Variants in ALK observed in about 807,000 individuals in gnomAD.
ALK encodes the protein ALK tyrosine kinase receptor.
In ALK, 74 loss-of-function variants were observed where a neutral mutation model predicts 163.1. The ratio of observed to expected loss-of-function variants is 0.45; its 90% CI spans 0.38 to 0.55. The LOEUF (loss-of-function observed/expected upper bound fraction) is 0.55. Ranked by LOEUF, ALK falls within the 20% of genes least tolerant of loss-of-function variation. The pLI is 0.00. For missense variants in ALK, 2,063 were observed against 2,105.3 expected (o/e 0.98, Z 0.39); for synonymous variants, 960 against 843.2 (o/e 1.14, Z -2.40).
chr2:29,253,267 AAT>A (rs1237346249), intron 11 of ALK, among the ~76,000 whole-genome samples: 2 of 152,116 alleles, frequency 1.3e-5, no homozygotes, highest in African/African-American at 2.4e-5. Flanking sequence ...CTGTGCCCAA[AAT>A]ATATGTGTGG....
At chr2:29,519,217 AG>A (rs1302979226) in intron 4 of ALK, among the ~76,000 whole-genome samples, 2 of 152,204 alleles carry the variant, frequency 1.3e-5, no homozygotes, top group African/African-American at 4.8e-5. Flanking sequence ...CTGTTTTGCA[AG>A]GTGGTGAGCA....
At chr2:29,311,849 A>G (rs1666704835) in intron 8 of ALK, among the ~76,000 whole-genome samples, 3 of 152,130 alleles carry the variant, frequency 2.0e-5, no homozygotes, top group Admixed American at 2.0e-4. Context: ...GGACTATATC[A>G]AGGTATGGGG....
At chr2:29,495,252 C>A (rs1398044777) in intron 4 of ALK, among the ~76,000 whole-genome samples, 1 of 152,112 alleles carries the variant, frequency 6.6e-6, no homozygotes, top group Non-Finnish European at 1.5e-5. Context: ...GTGCATCCTG[C>A]CTCCCTGGCT....
chr2:29,260,551 G>T (rs1665060669), intron 11 of ALK, among the ~76,000 whole-genome samples: 1 of 152,090 alleles, frequency 6.6e-6, no homozygotes, highest in Non-Finnish European at 1.5e-5. Context: ...AAATATGGCA[G>T]TTTGGCCAGG....
At chr2:29,682,713 A>G (rs922830899) in intron 3 of ALK, among the ~76,000 whole-genome samples, 3 of 152,228 alleles carry the variant, frequency 2.0e-5, no homozygotes, top group Non-Finnish European at 2.9e-5. Flanking sequence ...AAGTAAATTT[A>G]ATGTCTATCT....
At chr2:29,303,290 A>G (rs900311754) in intron 8 of ALK, among the ~76,000 whole-genome samples, 1 of 152,224 alleles carries the variant, frequency 6.6e-6, no homozygotes, top group African/African-American at 2.4e-5. Flanking sequence ...AAACTGCTCA[A>G]CAACGCTAAC....
chr2:29,641,715 G>C (rs115953802), intron 3 of ALK, among the ~76,000 whole-genome samples: 4,369 of 152,216 alleles, frequency 0.029, 95 homozygotes, highest in Non-Finnish European at 0.046. Context: ...TTCTCTGCTA[G>C]TAGCTTTTAA....
chr2:29,443,931 G>C (rs1051660641), intron 4 of ALK, among the ~76,000 whole-genome samples: 1 of 152,160 alleles, frequency 6.6e-6, no homozygotes, highest in Non-Finnish European at 1.5e-5. Flanking sequence ...GGCATTCTGC[G>C]TTCTCCAGGT....
intron 13 of ALK, among the ~76,000 whole-genome samples, chr2:29,234,226 G>A (rs1369781545): frequency 6.6e-6 from 1 of 152,146 alleles, no homozygotes; most frequent in East Asian, 1.9e-4. Context: ...CCTATGTGGT[G>A]AGATGGGGCT....
At chr2:29,756,572 GC>G (rs1680538163) in intron 1 of ALK, among the ~76,000 whole-genome samples, 1 of 130,122 alleles carries the variant, frequency 7.7e-6, no homozygotes. Context: ...TCACTCTGTT[GC>G]CCAGGCTGGC....
At chr2:29,312,001 G>T (rs10177708) in intron 8 of ALK, among the ~76,000 whole-genome samples, 10,940 of 151,958 alleles carry the variant, frequency 0.072, 428 homozygotes, top group Non-Finnish European at 0.08. Flanking sequence ...GGGCCCCCTT[G>T]GCTGCTGTTA....
At chr2:29,324,561 A>C (rs1008223142) in intron 6 of ALK, among the ~76,000 whole-genome samples, 2 of 152,198 alleles carry the variant, frequency 1.3e-5, no homozygotes, top group African/African-American at 4.8e-5. Context: ...GCCTGGCAGG[A>C]AGAGTATCCC....
chr2:29,219,974 G>A (rs1397570147), intron 23 of ALK, among the ~76,000 whole-genome samples: 5 of 152,172 alleles, frequency 3.3e-5, no homozygotes, highest in Admixed American at 3.3e-4. Flanking sequence ...AGTAGCTGCA[G>A]AGTGACCTGC....
chr2:29,737,982 A>G (rs1679942862), intron 1 of ALK, among the ~76,000 whole-genome samples: 1 of 152,082 alleles, frequency 6.6e-6, no homozygotes, highest in Non-Finnish European at 1.5e-5. Flanking sequence ...CAAAAATGCA[A>G]GCCTGGTGGG....
chr2:29,844,466 C>A (rs1437034754), intron 1 of ALK, among the ~76,000 whole-genome samples: 1 of 152,140 alleles, frequency 6.6e-6, no homozygotes, highest in Non-Finnish European at 1.5e-5. Context: ...AACCATATCA[C>A]ACATAAGGGG....
chr2:29,296,823 C>T, intron 9 of ALK, 65 bp downstream of exon 9: 1 of 1,605,038 alleles, frequency 6.2e-7, no homozygotes, highest in Admixed American at 1.7e-5. Context: ...AAAGGGAAGG[C>T]ATGATTTCTT....
chr2:29,797,135 C>T (rs1371079426), intron 1 of ALK, among the ~76,000 whole-genome samples: 2 of 151,862 alleles, frequency 1.3e-5, no homozygotes, highest in African/African-American at 4.8e-5. Flanking sequence ...TCCTAGCAAC[C>T]TTTCTTTAGA....
chr2:29,345,843 G>C (rs976571160), intron 5 of ALK, among the ~76,000 whole-genome samples: 1 of 152,052 alleles, frequency 6.6e-6, no homozygotes, highest in African/African-American at 2.4e-5. Context: ...AAACCAACCA[G>C]CCAACCAAAC....
intron 3 of ALK, among the ~76,000 whole-genome samples, chr2:29,579,607 G>A (rs1034353164): frequency 2.0e-5 from 3 of 152,048 alleles, no homozygotes; most frequent in Non-Finnish European, 2.9e-5. Flanking sequence ...TTTCCTCTAC[G>A]CTCTGGGAAC....
Sources: allele counts gnomAD v4.1 joint callset (sites outside exome capture counted in the v4.1 genomes callset), GRCh38; gene constraint gnomAD v4.1.1; transcripts MANE v1.5; gene names NCBI Gene and HGNC (gene_info 2026-07-23, HGNC 2026-07-21).